The following CSMD1 variants were observed in gnomAD, a reference collection of about 807,000 sequenced individuals.
CSMD1 encodes the protein CUB and Sushi multiple domains 1.
Under a neutral mutation model 417.5 loss-of-function variants are expected in CSMD1, and 213 were observed. That is an observed-to-expected ratio of 0.51 (90% CI 0.46 to 0.57). CSMD1 has a LOEUF of 0.57. Ranked by LOEUF, CSMD1 falls within the 20% of genes least tolerant of loss-of-function variation. The pLI is 0.00. For synonymous variants in CSMD1, 2,862 were observed against 1,736.8 expected, an observed-to-expected ratio of 1.65 and a Z score of -16.11; for missense variants, 6,923 against 4,529.7, an observed-to-expected ratio of 1.53 and a Z score of -15.17.
At chr8:3,304,717 TTTTTA>T (rs1196293461) in intron 25 of CSMD1, among the ~76,000 whole-genome samples, 1 of 39,138 alleles carries the variant, frequency 2.6e-5, no homozygotes, top group African/African-American at 8.3e-5. Flanking sequence ...TTCAAATATT[TTTTTA>T]TTTTTCTCTT....
At chr8:3,818,282 C>T (rs1029167092) in intron 5 of CSMD1, among the ~76,000 whole-genome samples, 30 of 152,128 alleles carry the variant, frequency 2.0e-4, no homozygotes, top group African/African-American at 7.2e-4. Flanking sequence ...CTATTCAGAG[C>T]CACAGGGTGT....
intron 5 of CSMD1, among the ~76,000 whole-genome samples, chr8:3,797,528 G>T (rs1028883468): frequency 1.3e-5 from 2 of 151,640 alleles, no homozygotes; most frequent in African/African-American, 4.8e-5. Flanking sequence ...TATATATTAG[G>T]CAAGCTCTCT....
chr8:3,647,485 A>G (rs572766667), intron 7 of CSMD1, among the ~76,000 whole-genome samples: 3 of 152,362 alleles, frequency 2.0e-5, no homozygotes, highest in South Asian at 4.1e-4. Flanking sequence ...ATAAAAAGAA[A>G]TATAGCACAG....
chr8:4,285,069 A>T (rs1563388804), intron 3 of CSMD1, among the ~76,000 whole-genome samples: 3 of 152,178 alleles, frequency 2.0e-5, no homozygotes, highest in Admixed American at 2.0e-4. Flanking sequence ...AGTCAGAATG[A>T]TGCCTAGTGT....
chr8:3,352,843 A>AAAACAAACAAACAAAG (rs1397465268), intron 21 of CSMD1, among the ~76,000 whole-genome samples: 2 of 152,206 alleles, frequency 1.3e-5, no homozygotes, highest in Admixed American at 1.3e-4. Flanking sequence ...TCTGTCTCAA[A>AAAACAAACAAACAAAG]AAACAAACAA....
intron 5 of CSMD1, among the ~76,000 whole-genome samples, chr8:3,832,463 T>A (rs1434046365): frequency 6.6e-6 from 1 of 152,232 alleles, no homozygotes; most frequent in African/African-American, 2.4e-5. Context: ...GATAAGATTT[T>A]TTGTTTCTTG....
rs369107290 is a variant in CSMD1, at chr8:4,994,342, A to C, written c.75T>G (p.Thr25=). 1 of 1,610,904 alleles carries C rather than the reference A, an allele frequency of 6.2e-7. No individual in the cohort carries two copies. Among genetic ancestry groups the C allele is most frequent in the Non-Finnish European group, 8.5e-7 (1 of 1,179,770 alleles). The change falls in exon 1 of 70, where the codon ACT becomes ACG. Residue 25 remains threonine (T), a synonymous_variant. Transcript: ENST00000635120. ...GCAAGTCCGTCTTACCCTTCGCTGC[A>C]GTGAGGAGCCTCGCGCACAGCACCA... The part of the protein sequence containing the change: ...GLLVLCARLL[T]AAKGQNCGGL...
chr8:3,242,283 G>A (rs952512984), intron 26 of CSMD1, among the ~76,000 whole-genome samples: 6 of 150,780 alleles, frequency 4.0e-5, no homozygotes, highest in Non-Finnish European at 5.9e-5. Context: ...GACCTAGCTC[G>A]GCCTGGGGAG....
At chr8:3,457,249 T>G (rs1465020539) in intron 12 of CSMD1, among the ~76,000 whole-genome samples, 2 of 152,042 alleles carry the variant, frequency 1.3e-5, no homozygotes, top group Non-Finnish European at 2.9e-5. Context: ...CCTGGACTCG[T>G]GAACCTGTTT....
chr8:4,773,348 C>A (rs972122039), intron 1 of CSMD1, among the ~76,000 whole-genome samples: 1 of 152,114 alleles, frequency 6.6e-6, no homozygotes, highest in African/African-American at 2.4e-5. Flanking sequence ...TGACTGGTGG[C>A]TTTTTGTTTC....
chr8:3,141,411 A>G (rs1011203971), intron 41 of CSMD1, among the ~76,000 whole-genome samples: 1 of 152,156 alleles, frequency 6.6e-6, no homozygotes, highest in African/African-American at 2.4e-5. Context: ...TGACTCTGAA[A>G]CAAAATTGAT....
At chr8:4,281,053 A>G (rs770825698) in intron 3 of CSMD1, among the ~76,000 whole-genome samples, 4 of 152,158 alleles carry the variant, frequency 2.6e-5, no homozygotes, top group Admixed American at 6.5e-5. Context: ...CTCTGGCTTC[A>G]TGTGTTCACC....
rs572460549 is a variant in CSMD1, at chr8:3,563,030, G to C, written c.1344+11915C>G. Among the ~76,000 whole-genome samples the C allele has an allele frequency of 2.0e-5, 3 of 152,116 alleles. No homozygotes were observed. The South Asian group carries it at 6.2e-4, about 32-fold the overall frequency. ...GTCAAAGAGAAAGTAGAAGCATTTA[G>C]AATGCAATGCCATTCTTTGCTTGGT... is the stretch of plus-strand genomic sequence containing the variant. On this transcript the variant is annotated intron_variant, in intron 10 of 69. Transcript: ENST00000635120.
At chr8:3,391,278 A>G (rs1164399997) in intron 17 of CSMD1, among the ~76,000 whole-genome samples, 1 of 152,230 alleles carries the variant, frequency 6.6e-6, no homozygotes, top group Non-Finnish European at 1.5e-5. Context: ...ACAGTAGAGT[A>G]TGTACATTTA....
At chr8:3,454,641 C>G (rs144351172) in intron 12 of CSMD1, among the ~76,000 whole-genome samples, 3,023 of 152,256 alleles carry the variant, frequency 0.02, 106 homozygotes, top group African/African-American at 0.069. Context: ...AATATTGGCC[C>G]CCACTCTCTT....
intron 7 of CSMD1, among the ~76,000 whole-genome samples, chr8:3,636,384 G>C (rs1040717062): frequency 9.2e-5 from 14 of 152,210 alleles, no homozygotes; most frequent in East Asian, 1.9e-4. Context: ...CTCCATGTTG[G>C]CTAGGCTGGT....
intron 40 of CSMD1, among the ~76,000 whole-genome samples, chr8:3,143,072 C>G (rs1246117885): frequency 6.6e-6 from 1 of 152,116 alleles, no homozygotes; most frequent in Non-Finnish European, 1.5e-5. Flanking sequence ...TTACATCACC[C>G]AAAAGCTAAC....
chr8:4,822,076 C>T (rs959494587), intron 1 of CSMD1, among the ~76,000 whole-genome samples: 13 of 151,964 alleles, frequency 8.6e-5, no homozygotes, highest in Admixed American at 2.6e-4. Flanking sequence ...CCTTTCTTTT[C>T]GGGTTCAGTA....
At chr8:3,748,900 T>C (rs569176750) in intron 6 of CSMD1, among the ~76,000 whole-genome samples, 2 of 152,364 alleles carry the variant, frequency 1.3e-5, no homozygotes, top group East Asian at 1.9e-4. Flanking sequence ...CCTTGATTTA[T>C]GAGATGAATG....
Sources: gnomAD v4.1 joint callset for allele counts (sites outside exome capture counted in the v4.1 genomes callset) on GRCh38, gnomAD v4.1.1 for gene constraint, MANE v1.5 for transcripts, NCBI Gene and HGNC (gene_info 2026-07-23, HGNC 2026-07-21) for gene names.